NAALADL2: variants seen among roughly 807,000 people sequenced by gnomAD.
NAALADL2 encodes inactive N-acetylated-alpha-linked acidic dipeptidase-like protein 2.
A neutral mutation model predicts 87.2 loss-of-function variants in NAALADL2; 76 were observed. The ratio of observed to expected loss-of-function variants is 0.87; its 90% CI spans 0.72 to 1.05. The LOEUF (loss-of-function observed/expected upper bound fraction) is 1.05, where lower values mean the gene tolerates loss of function less well. NAALADL2 is among the 50% of genes least tolerant of loss of function. The pLI is 0.00. For missense variants in NAALADL2, 1,089 were observed against 945.8 expected (o/e 1.15, Z -1.99); for synonymous variants, 354 against 331.0 (o/e 1.07, Z -0.75).
At chr3:175,480,794 A>G (rs1187685145) in intron 9 of NAALADL2, among the ~76,000 whole-genome samples, 1 of 151,926 alleles carries the variant, frequency 6.6e-6, no homozygotes, top group East Asian at 1.9e-4. Context: ...TTTGATAAAG[A>G]TTCACAAGGG....
intron 12 of NAALADL2, among the ~76,000 whole-genome samples, chr3:175,739,836 T>C (rs1583069428): frequency 6.6e-6 from 1 of 152,206 alleles, no homozygotes; most frequent in South Asian, 2.1e-4. Context: ...AATCTGAAAA[T>C]AGCACTATGC....
Position 175,799,979 on chromosome 3 carries a change from G to A in NAALADL2, c.2190-3026G>A, listed in dbSNP as rs538511581. 2.0e-5 allele frequency among the ~76,000 whole-genome samples: 3 copies of A among 152,078 alleles called. No homozygotes were observed. The South Asian group carries it at 6.2e-4, about 32-fold the overall frequency. ...AGACAAAATTTTCCGAGTATACAGG[G>A]GAATCTAACATTTCCTGGTACTGGA... On this transcript the variant is annotated intron_variant, in intron 13 of 13. Transcript: ENST00000454872.
chr3:175,410,770 G>T (rs1368533714), intron 5 of NAALADL2, among the ~76,000 whole-genome samples: 1 of 152,158 alleles, frequency 6.6e-6, no homozygotes, highest in Non-Finnish European at 1.5e-5. Flanking sequence ...GCATAAGTAT[G>T]CCTTAGCTTA....
intron 1 of NAALADL2, among the ~76,000 whole-genome samples, chr3:175,011,991 A>C (rs535616767): frequency 2.0e-5 from 3 of 152,152 alleles, no homozygotes; most frequent in Non-Finnish European, 4.4e-5. Context: ...GCAAAAACCT[A>C]ATCTTTAGGA....
At chr3:174,996,115 C>T (rs116473416) in intron 1 of NAALADL2, among the ~76,000 whole-genome samples, 266 of 152,234 alleles carry the variant, frequency 1.7e-3, no homozygotes, top group Non-Finnish European at 2.8e-3. Flanking sequence ...GATTTGCCAA[C>T]GGACTTATGT....
chr3:175,565,288 A>C (rs552077369), intron 9 of NAALADL2, among the ~76,000 whole-genome samples: 2 of 152,326 alleles, frequency 1.3e-5, no homozygotes, highest in East Asian at 3.9e-4. Flanking sequence ...TTGCATTATC[A>C]TCTAATATGA....
intron 3 of NAALADL2, among the ~76,000 whole-genome samples, chr3:175,249,553 C>G (rs575869203): frequency 2.6e-4 from 39 of 152,164 alleles, no homozygotes; most frequent in Admixed American, 6.5e-4. Context: ...TATTATTTCT[C>G]TCTCACATAC....
At chr3:175,442,341 T>C (rs1719930192) in intron 5 of NAALADL2, among the ~76,000 whole-genome samples, 2 of 152,138 alleles carry the variant, frequency 1.3e-5, no homozygotes, top group African/African-American at 4.8e-5. Flanking sequence ...ATATTTTCTT[T>C]ACACAGCCAA....
chr3:175,305,130 AATAG>A (rs1757538035), intron 4 of NAALADL2, among the ~76,000 whole-genome samples: 1 of 152,136 alleles, frequency 6.6e-6, no homozygotes, highest in Admixed American at 6.6e-5. Flanking sequence ...GGATATGTTA[AATAG>A]ATAAATAATA....
At chr3:174,830,748 G>A (rs371826462) in intron 3 of NAALADL2, among the ~76,000 whole-genome samples, 3 of 152,092 alleles carry the variant, frequency 2.0e-5, no homozygotes, top group Non-Finnish European at 4.4e-5. Flanking sequence ...AGCATGGAAT[G>A]TTCTTCCACT....
At chr3:174,469,692 A>G (rs10936795) in intron 1 of NAALADL2, among the ~76,000 whole-genome samples, 2,970 of 152,064 alleles carry the variant, frequency 0.02, 102 homozygotes, top group African/African-American at 0.069. Context: ...GGCCCCACAA[A>G]ATGCTGGGAT....
intron 1 of NAALADL2, among the ~76,000 whole-genome samples, chr3:175,062,486 G>C (rs1713709485): frequency 1.5e-5 from 2 of 137,208 alleles, no homozygotes; most frequent in Non-Finnish European, 3.0e-5. Context: ...CTGTGTGTGT[G>C]TGTGTGTGTG....
chr3:175,429,212 T>C (rs986638694), intron 5 of NAALADL2, among the ~76,000 whole-genome samples: 2 of 147,290 alleles, frequency 1.4e-5, no homozygotes, highest in African/African-American at 2.5e-5. Flanking sequence ...CACACACACA[T>C]ATATATACAT....
intron 3 of NAALADL2, among the ~76,000 whole-genome samples, chr3:174,802,201 A>G (rs142092289): frequency 6.6e-6 from 1 of 152,078 alleles, no homozygotes; most frequent in Non-Finnish European, 1.5e-5. Context: ...ACCCATGCCA[A>G]GTGTCAAGGT....
intron 4 of NAALADL2, among the ~76,000 whole-genome samples, chr3:175,322,700 A>C (rs1462610473): frequency 1.1e-3 from 166 of 146,920 alleles, no homozygotes; most frequent in African/African-American, 4.1e-3. Flanking sequence ...CACTTCTCAA[A>C]AGAAGACATT....
At chr3:175,783,279 C>A (rs1339313110) in intron 13 of NAALADL2, among the ~76,000 whole-genome samples, 4 of 152,068 alleles carry the variant, frequency 2.6e-5, no homozygotes, top group African/African-American at 7.3e-5. Context: ...GGCATTGAAT[C>A]TGTAAATTAC....
At chr3:175,026,510 C>A (rs889202294) in intron 1 of NAALADL2, among the ~76,000 whole-genome samples, 4 of 144,006 alleles carry the variant, frequency 2.8e-5, no homozygotes, top group African/African-American at 1.1e-4. Flanking sequence ...AAAAAATTAG[C>A]CATACGTGGT....
chr3:174,724,562 T>C (rs1256574890), intron 2 of NAALADL2, among the ~76,000 whole-genome samples: 1 of 152,112 alleles, frequency 6.6e-6, no homozygotes, highest in East Asian at 1.9e-4. Context: ...ATACTCCAAA[T>C]AGAAAGGGAT....
In NAALADL2 at chr3:175,356,587, A is replaced by ATAATAATAATAATAG. The variant is rs1186627617; in HGVS notation, c.1090+32276_1090+32277insGTAATAATAATAATA. ...AAGACCCTGTGTCAAAATAATAATA[A>ATAATAATAATAATAG]TAATAATAATAATAATAATAATAAA... On this transcript the variant is annotated intron_variant, in intron 5 of 13. Coordinates refer to ENST00000454872, the MANE Select transcript of NAALADL2 (RefSeq NM_207015.3). Among the ~76,000 whole-genome samples, 23 of 144,762 alleles carry ATAATAATAATAATAG rather than the reference A, an allele frequency of 1.6e-4. No homozygotes were observed. The East Asian group carries it at 3.2e-3, about 20-fold the overall frequency. 95.0% of individuals were successfully genotyped at this position (144,762 alleles called of 152,430 possible). A position where few individuals can be genotyped will look rare whatever the true frequency, so the allele number is the denominator to read the frequency against.
Sources: allele counts gnomAD v4.1 joint callset (sites outside exome capture counted in the v4.1 genomes callset), GRCh38; gene constraint gnomAD v4.1.1; transcripts MANE v1.5; gene names NCBI Gene and HGNC (gene_info 2026-07-23, HGNC 2026-07-21).